The following STK32B variants were observed in gnomAD, a reference collection of about 807,000 sequenced individuals.
STK32B encodes the protein serine/threonine kinase 32B, also known as serine/threonine-protein kinase 32B.
STK32B carries 43 observed loss-of-function variants against 52.6 expected under a neutral mutation model. The observed-to-expected ratio is 0.82, with a 90% confidence interval of 0.64 to 1.05. The LOEUF (loss-of-function observed/expected upper bound fraction) is 1.05. Among genes scored for constraint, STK32B ranks in the 50% least tolerant of loss-of-function variants. The pLI is 0.00. For missense variants in STK32B, 621 were observed against 534.6 expected, an observed-to-expected ratio of 1.16 and a Z score of -1.59; for synonymous variants, 238 against 204.3, an observed-to-expected ratio of 1.17 and a Z score of -1.41.
intron 3 of STK32B, among the ~76,000 whole-genome samples, chr4:5,251,975 T>A (rs1360804665): frequency 6.6e-6 from 1 of 152,172 alleles, no homozygotes; most frequent in Non-Finnish European, 1.5e-5. Flanking sequence ...CTTGAGAAGG[T>A]ACAGTTGTAA....
chr4:5,410,007 T>C (rs899380679), intron 5 of STK32B, among the ~76,000 whole-genome samples: 3 of 152,216 alleles, frequency 2.0e-5, no homozygotes, highest in African/African-American at 4.8e-5. Flanking sequence ...GCTTCTTTTT[T>C]CCTTTTACCA....
chr4:5,028,866 C>T, the STK32B span, among the ~76,000 whole-genome samples: 7 of 152,156 alleles, frequency 4.6e-5, no homozygotes, highest in South Asian at 2.1e-4. Flanking sequence ...GCTTATGGTT[C>T]GGTAAGCTAT....
intron 3 of STK32B, among the ~76,000 whole-genome samples, chr4:5,287,689 CT>C (rs11447982): frequency 1.3e-3 from 191 of 150,672 alleles, no homozygotes; most frequent in Non-Finnish European, 1.9e-3. Context: ...TTATAAAATT[CT>C]TTTTTTTTAC....
chr4:5,403,476 C>T (rs987277174), intron 5 of STK32B, among the ~76,000 whole-genome samples: 3 of 152,202 alleles, frequency 2.0e-5, no homozygotes, highest in Non-Finnish European at 4.4e-5. Flanking sequence ...GTCTCCCCTG[C>T]CCATGACATA....
intron 3 of STK32B, among the ~76,000 whole-genome samples, chr4:5,228,193 A>C (rs1724001086): frequency 6.6e-6 from 1 of 152,232 alleles, no homozygotes; most frequent in Non-Finnish European, 1.5e-5. Context: ...GTTGCTGCTG[A>C]TACCAGACAA....
the STK32B span, chr4:5,019,571 G>A: frequency 2.8e-6 from 3 of 1,057,752 alleles, no homozygotes; most frequent in South Asian, 2.6e-5. Context: ...GGGTGGCAGA[G>A]AGGAAGCCAG....
At chr4:5,109,211 T>G (rs973675718) in intron 1 of STK32B, among the ~76,000 whole-genome samples, 1 of 152,212 alleles carries the variant, frequency 6.6e-6, no homozygotes, top group East Asian at 1.9e-4. Flanking sequence ...CCAGGTGTCA[T>G]GCGCAGCTGC....
At chr4:5,339,066 C>G (rs1310248318) in intron 4 of STK32B, among the ~76,000 whole-genome samples, 2 of 152,200 alleles carry the variant, frequency 1.3e-5, no homozygotes, top group African/African-American at 4.8e-5. Flanking sequence ...TTCTACTTGA[C>G]TGAATTATCC....
intron 11 of STK32B, among the ~76,000 whole-genome samples, chr4:5,497,149 A>C (rs890578856): frequency 1.2e-4 from 19 of 152,224 alleles, no homozygotes; most frequent in Non-Finnish European, 2.8e-4. Context: ...TTAAGAACGC[A>C]GACTCTTTAA....
At chr4:5,140,506 T>G (rs901859305) in intron 2 of STK32B, among the ~76,000 whole-genome samples, 1 of 152,234 alleles carries the variant, frequency 6.6e-6, no homozygotes, top group African/African-American at 2.4e-5. Flanking sequence ...GTTATGTTTT[T>G]TTCACATCTA....
intron 8 of STK32B, among the ~76,000 whole-genome samples, chr4:5,459,748 A>G (rs1426449362): frequency 6.6e-6 from 1 of 152,168 alleles, no homozygotes; most frequent in Admixed American, 6.5e-5. Context: ...AAATCCTAAG[A>G]TGAGGCAGCT....
intron 3 of STK32B, among the ~76,000 whole-genome samples, chr4:5,174,182 A>C (rs150704941): frequency 0.19 from 28,476 of 151,686 alleles, 3,368 homozygotes; most frequent in East Asian, 0.31. Flanking sequence ...TTCTATTTTG[A>C]GCCTATGTGT....
At chr4:5,496,250 C>T (rs980000934) in intron 11 of STK32B, among the ~76,000 whole-genome samples, 91 of 152,230 alleles carry the variant, frequency 6.0e-4, no homozygotes, top group Non-Finnish European at 1.2e-3. Flanking sequence ...GCTTCCAGGC[C>T]ACTTTGTTTA....
chr4:5,498,358 T>C (rs1448422887), intron 11 of STK32B, among the ~76,000 whole-genome samples: 2 of 152,084 alleles, frequency 1.3e-5, no homozygotes, highest in Non-Finnish European at 2.9e-5. Flanking sequence ...CCCCTCAACA[T>C]AGTTTGTAAT....
chr4:5,456,240 G>T (rs1716496308), intron 7 of STK32B, among the ~76,000 whole-genome samples: 1 of 152,260 alleles, frequency 6.6e-6, no homozygotes, highest in South Asian at 2.1e-4. Context: ...AACTGGGGGA[G>T]AGCAGAGCTT....
chr4:5,147,265 T>C (rs554654462), intron 2 of STK32B, among the ~76,000 whole-genome samples: 2 of 152,254 alleles, frequency 1.3e-5, no homozygotes, highest in East Asian at 3.9e-4. Flanking sequence ...AAAAATACAA[T>C]AAAATTTTTG....
intron 5 of STK32B, among the ~76,000 whole-genome samples, chr4:5,413,005 G>A (rs932958806): frequency 6.6e-6 from 1 of 151,968 alleles, no homozygotes; most frequent in Admixed American, 6.6e-5. Flanking sequence ...CATCTTTGCT[G>A]GTTCCCCACA....
At chr4:5,071,415 G>A (rs1345734826) in intron 1 of STK32B, among the ~76,000 whole-genome samples, 1 of 152,162 alleles carries the variant, frequency 6.6e-6, no homozygotes, top group Admixed American at 6.6e-5. Context: ...GAAAATGCCA[G>A]TGAATTCTCA....
In STK32B at chr4:5,357,108, C is replaced by T. The variant is rs189650912; in HGVS notation, c.434+25715C>T. ...ACGTATACACACACACACACACACA[C>T]ACATATATATACACACACCTTGAGT... On this transcript the variant is annotated intron_variant, in intron 4 of 11. Transcript: ENST00000282908. Among the ~76,000 whole-genome samples the T allele has an allele frequency of 4.2e-5, 6 of 144,336 alleles. No homozygotes were observed. In the South Asian group the frequency reaches 6.6e-4, roughly 16 times the overall value. 94.7% of individuals were successfully genotyped at this position (144,336 alleles called of 152,430 possible). A position where few individuals can be genotyped will look rare whatever the true frequency, so the allele number is the denominator to read the frequency against.
Sources: gnomAD v4.1 joint callset for allele counts (sites outside exome capture counted in the v4.1 genomes callset) on GRCh38, gnomAD v4.1.1 for gene constraint, MANE v1.5 for transcripts, NCBI Gene and HGNC (gene_info 2026-07-23, HGNC 2026-07-21) for gene names.